The following PCCB variants were observed in gnomAD, a reference collection of about 807,000 sequenced individuals.
PCCB encodes propionyl-CoA carboxylase subunit beta, also known as propionyl-CoA carboxylase beta chain, mitochondrial.
A neutral mutation model predicts 60.7 loss-of-function variants in PCCB; 43 were observed. The observed-to-expected ratio is 0.71, with a 90% CI of 0.55 to 0.91. The LOEUF (loss-of-function observed/expected upper bound fraction) is 0.91, where lower values mean the gene tolerates loss of function less well. Ranked by LOEUF, PCCB falls within the 40% of genes least tolerant of loss-of-function variation. The probability of loss-of-function intolerance (pLI) is 0.00; values close to 1 mark genes in which losing one functional copy is unlikely to be tolerated. For synonymous variants in PCCB, 276 were observed against 255.9 expected, an observed-to-expected ratio of 1.08 and a Z score of -0.75; for missense variants, 766 against 702.8, an observed-to-expected ratio of 1.09 and a Z score of -1.02.
At chr3:136,280,880 T>C (rs1204795040) in intron 5 of PCCB, among the ~76,000 whole-genome samples, 2 of 152,160 alleles carry the variant, frequency 1.3e-5, no homozygotes, top group Non-Finnish European at 2.9e-5. Flanking sequence ...TCTCAAACTC[T>C]TGGCCTCAAG....
intron 5 of PCCB, among the ~76,000 whole-genome samples, chr3:136,268,482 T>TTA (rs34481240): frequency 3.3e-5 from 5 of 151,136 alleles, no homozygotes; most frequent in East Asian, 2.0e-4. Flanking sequence ...TTTTTTTTTT[T>TTA]AGATGTAGTC....
intron 1 of PCCB, among the ~76,000 whole-genome samples, chr3:136,251,784 C>T (rs1307677690): frequency 6.6e-6 from 1 of 152,124 alleles, no homozygotes; most frequent in East Asian, 1.9e-4. Flanking sequence ...CAGGTAGATC[C>T]TACTAGGTTT....
At chr3:136,300,845 C>T (rs1185917983) in intron 8 of PCCB, among the ~76,000 whole-genome samples, 185 bp from the exon 9 acceptor site, 1 of 152,268 alleles carries the variant, frequency 6.6e-6, no homozygotes, top group South Asian at 2.1e-4. Context: ...TGATACTTGT[C>T]CCAGGTTCAG....
chr3:136,329,912 G>A lies in PCCB; in HGVS notation c.1506G>A (p.Val502=), dbSNP rs1162399570. Reference sequence around the variant, plus strand: ...TTTTCTGTGCTTCACCAGGGTTTGTGGATGACATCATCCAACCTTCTTCCA... The same window carrying A: ...TTTTCTGTGCTTCACCAGGGTTTGTAGATGACATCATCCAACCTTCTTCCA... The part of the protein sequence containing the change: ...NPFPAAVRGF[V]DDIIQPSSTR... The change falls in exon 15 of 15, where the codon GTG becomes GTA. Residue 502 remains valine, a synonymous_variant. Coordinates refer to ENST00000251654, the MANE Select transcript of PCCB (RefSeq NM_000532.5). 4 of 1,614,104 alleles carry A rather than the reference G, an allele frequency of 2.5e-6. No homozygotes were observed. Among genetic ancestry groups the A allele is most frequent in the Non-Finnish European group, 3.4e-6 (4 of 1,179,978 alleles).
intron 11 of PCCB, 84 bp downstream of exon 11, chr3:136,326,994 T>A (rs1413479150): frequency 3.5e-6 from 4 of 1,140,458 alleles, no homozygotes; most frequent in Non-Finnish European, 5.3e-6. Context: ...CTTGCAGAAC[T>A]CCCCGAGGAC....
At chr3:136,312,019 A>C (rs1256830767) in intron 9 of PCCB, among the ~76,000 whole-genome samples, 1 of 152,250 alleles carries the variant, frequency 6.6e-6, no homozygotes, top group Non-Finnish European at 1.5e-5. Context: ...AAAAGCTGTA[A>C]GTGGGGACTA....
intron 1 of PCCB, 41 bp from the exon 2 acceptor site, chr3:136,255,815 G>T: frequency 6.4e-7 from 1 of 1,563,000 alleles, no homozygotes; most frequent in Non-Finnish European, 8.8e-7. Context: ...TTACTAAATT[G>T]TCTGTGATGA....
intron 5 of PCCB, among the ~76,000 whole-genome samples, chr3:136,278,676 A>G (rs965905640): frequency 1.1e-4 from 17 of 152,244 alleles, no homozygotes; most frequent in South Asian, 2.1e-4. Context: ...TATGATTCCA[A>G]TCATTTTAAA....
chr3:136,267,433 G>A (rs1244804551), intron 5 of PCCB, among the ~76,000 whole-genome samples: 3 of 152,078 alleles, frequency 2.0e-5, no homozygotes, highest in Admixed American at 6.5e-5. Flanking sequence ...GGTCTCAAGC[G>A]ATCTGCCTCG....
intron 5 of PCCB, among the ~76,000 whole-genome samples, chr3:136,264,994 G>T (rs1941947958): frequency 6.6e-6 from 1 of 151,350 alleles, no homozygotes; most frequent in Non-Finnish European, 1.5e-5. Flanking sequence ...AGGAGTTCAA[G>T]ACCAGCCTGG....
chr3:136,282,126 A>C (rs764226016), intron 5 of PCCB, among the ~76,000 whole-genome samples: 2 of 152,126 alleles, frequency 1.3e-5, no homozygotes, highest in Non-Finnish European at 1.5e-5. Flanking sequence ...AAAGGTTCTA[A>C]TTTCCCAATC....
chr3:136,252,459 C>G (rs1576399232), intron 1 of PCCB: 2 of 383,182 alleles, frequency 5.2e-6, no homozygotes, highest in East Asian at 1.6e-4. Context: ...GTTGGCCAGG[C>G]TGGTCTTGAA....
At chr3:136,320,373 G>C (rs1225608326) in intron 10 of PCCB, among the ~76,000 whole-genome samples, 1 of 152,068 alleles carries the variant, frequency 6.6e-6, no homozygotes, top group African/African-American at 2.4e-5. Flanking sequence ...TCTTTCAGCT[G>C]TGTTTTGTAG....
chr3:136,315,778 T>C (rs1452922823), intron 9 of PCCB, among the ~76,000 whole-genome samples: 1 of 151,770 alleles, frequency 6.6e-6, no homozygotes, highest in Non-Finnish European at 1.5e-5. Context: ...CAGTGAGCTG[T>C]GATCATGCTT....
chr3:136,268,084 G>GA (rs1942060824), intron 5 of PCCB, among the ~76,000 whole-genome samples: 2 of 60,950 alleles, frequency 3.3e-5, no homozygotes, highest in Admixed American at 1.7e-4. Context: ...GTGTGTGTGT[G>GA]TAGATATATA....
intron 7 of PCCB, among the ~76,000 whole-genome samples, chr3:136,296,013 G>C (rs897641464): frequency 1.3e-5 from 2 of 152,082 alleles, no homozygotes; most frequent in African/African-American, 4.8e-5. Flanking sequence ...ACTTGGCCCT[G>C]TATCCCCAGG....
intron 6 of PCCB, among the ~76,000 whole-genome samples, chr3:136,284,525 C>T (rs964119613): frequency 1.1e-4 from 17 of 152,188 alleles, no homozygotes; most frequent in African/African-American, 3.4e-4. Context: ...TTAAAAAAAT[C>T]AGCCTTTTCT....
At chr3:136,290,821 C>G (rs1933653327) in intron 6 of PCCB, among the ~76,000 whole-genome samples, 1 of 151,092 alleles carries the variant, frequency 6.6e-6, no homozygotes, top group South Asian at 2.1e-4. Context: ...TTCTGGAATT[C>G]TCATTATGTA....
intron 5 of PCCB, among the ~76,000 whole-genome samples, chr3:136,263,135 A>G (rs948916327): frequency 3.3e-5 from 5 of 150,580 alleles, no homozygotes; most frequent in South Asian, 2.1e-4. Flanking sequence ...TTGTATTTTT[A>G]GTAGAGACGG....
Sources: allele counts gnomAD v4.1 joint callset (sites outside exome capture counted in the v4.1 genomes callset), GRCh38; gene constraint gnomAD v4.1.1; transcripts MANE v1.5; gene names NCBI Gene and HGNC (gene_info 2026-07-23, HGNC 2026-07-21).